The following AMPH variants were observed in gnomAD, a reference collection of about 807,000 sequenced individuals.
AMPH encodes amphiphysin (Stiff-Mann syndrome with breast cancer 128kD autoantigen).
AMPH carries 49 observed loss-of-function variants against 99.1 expected under a neutral mutation model. That is an observed-to-expected ratio of 0.49 (90% confidence interval 0.39 to 0.63). AMPH has a LOEUF of 0.63. Among genes scored for constraint, AMPH ranks in the 20% least tolerant of loss-of-function variants. The pLI is 0.00. For missense variants in AMPH, 759 were observed against 863.4 expected, an observed-to-expected ratio of 0.88 and a Z score of 1.52; for synonymous variants, 314 against 317.3, an observed-to-expected ratio of 0.99 and a Z score of 0.11.
At position 38,391,884 on chromosome 7, in the gene AMPH, G is replaced by A. The variant is rs139940640; in HGVS notation, c.1742C>T (p.Thr581Ile). ...DAAPPGPTSE[T>I]PELATEQKPI... ...CTTCTGCTCCGTAGCCAGCTCCGGT[G>A]TCTCGCTGGTGGGGCCCGGAGGAGC... The change falls in exon 19 of 21, where the codon ACA becomes ATA. Residue 581 changes from threonine (T) to isoleucine (I), a missense_variant. Physicochemically the swap from Thr to Ile is moderately conservative, Grantham distance 89. Around this residue, in one of 2 missense-constraint regions of AMPH, gnomAD observed 554 missense variants for 575.6 expected, o/e 0.96. Coordinates refer to ENST00000356264, the MANE Select transcript of AMPH (RefSeq NM_001635.4). 9 of 1,612,730 alleles carry A rather than the reference G, an allele frequency of 5.6e-6. No individual in the cohort carries two copies. Among genetic ancestry groups the A allele is most frequent in the Non-Finnish European group, 7.6e-6 (9 of 1,179,772 alleles).
intron 17 of AMPH, among the ~76,000 whole-genome samples, chr7:38,398,381 T>G (rs1252630094): frequency 1.3e-5 from 2 of 152,130 alleles, no homozygotes; most frequent in Non-Finnish European, 1.5e-5. Flanking sequence ...TGAGATCTTG[T>G]CATTTGCAAC....
At chr7:38,494,340 T>C (rs1322379751) in intron 4 of AMPH, 93 bp downstream of exon 4, 9 of 1,040,794 alleles carry the variant, frequency 8.6e-6, no homozygotes, top group Admixed American at 5.1e-5. Context: ...TCTTGCCTCA[T>C]GATTAAGACT....
Position 38,587,914 on chromosome 7 carries a change from C to CTGTGTGTG in AMPH, c.69+43361_69+43368dup, listed in dbSNP as rs200023803. Among the ~76,000 whole-genome samples the CTGTGTGTG allele has an allele frequency of 3.9e-3, 491 of 126,192 alleles. 1 individual carries two copies. Among genetic ancestry groups the CTGTGTGTG allele is most frequent in the African/African-American group, 5.7e-3 (207 of 36,396 alleles). The allele number at this position is 126,192 out of a possible 152,430, so 82.8% of individuals were successfully genotyped here. A position where few individuals can be genotyped will look rare whatever the true frequency, so the allele number is the denominator to read the frequency against. ...TGAACTTTAAACAGCTTATTAATTA[C>CTGTGTGTG]TGTGTGTGTGTGTGTGTGTGTGTGT... On this transcript the variant is annotated intron_variant, in intron 1 of 20. Coordinates refer to ENST00000356264, the MANE Select transcript of AMPH (RefSeq NM_001635.4).
chr7:38,453,021 G>A (rs376394965), intron 11 of AMPH, among the ~76,000 whole-genome samples: 6 of 152,080 alleles, frequency 3.9e-5, no homozygotes, highest in Admixed American at 1.3e-4. Context: ...TTTCACTCCC[G>A]CTTTTGACAT....
intron 11 of AMPH, among the ~76,000 whole-genome samples, chr7:38,437,625 CAAAAAAAA>C (rs70977404): frequency 3.2e-5 from 3 of 94,816 alleles, no homozygotes; most frequent in African/African-American, 1.3e-4. Flanking sequence ...ACTAAAAATA[CAAAAAAAA>C]AAAAAAAAAA....
intron 1 of AMPH, among the ~76,000 whole-genome samples, chr7:38,557,325 T>A (rs559642828): frequency 2.0e-5 from 3 of 152,288 alleles, no homozygotes; most frequent in South Asian, 4.1e-4. Context: ...CCAAATCTCA[T>A]CTTGAATTGT....
chr7:38,584,826 A>G (rs1220164591), intron 1 of AMPH, among the ~76,000 whole-genome samples: 2 of 152,174 alleles, frequency 1.3e-5, no homozygotes, highest in Non-Finnish European at 2.9e-5. Flanking sequence ...TGCAACTTCT[A>G]CCTAAATAAA....
intron 20 of AMPH, among the ~76,000 whole-genome samples, chr7:38,385,564 A>G (rs1784328712): frequency 6.6e-6 from 1 of 152,136 alleles, no homozygotes; most frequent in Admixed American, 6.5e-5. Context: ...ATAATACCTA[A>G]TTTTTCAAGT....
At chr7:38,493,334 C>T (rs1291889350) in intron 4 of AMPH, among the ~76,000 whole-genome samples, 1 of 152,148 alleles carries the variant, frequency 6.6e-6, no homozygotes, top group African/African-American at 2.4e-5. Flanking sequence ...TAACAAAGAA[C>T]TTGGATGTGA....
intron 1 of AMPH, among the ~76,000 whole-genome samples, chr7:38,610,262 AAG>A (rs1793592257): frequency 2.4e-4 from 6 of 24,962 alleles, no homozygotes; most frequent in Admixed American, 4.9e-4. Context: ...AAAAAAAAAA[AAG>A]AAAGAAAGAA....
chr7:38,437,639 A>AAAAAAAAAAAAAAGAAAAG (rs765494380), intron 11 of AMPH, among the ~76,000 whole-genome samples: 74 of 96,714 alleles, frequency 7.7e-4, no homozygotes, highest in East Asian at 1.7e-3. Flanking sequence ...AAAAAAAAAA[A>AAAAAAAAAAAAAAGAAAAG]AAAAGAAAAG....
At chr7:38,617,347 A>C (rs1165396317) in intron 1 of AMPH, among the ~76,000 whole-genome samples, 5 of 152,230 alleles carry the variant, frequency 3.3e-5, no homozygotes, top group Non-Finnish European at 4.4e-5. Flanking sequence ...CATGAAATGG[A>C]CAACTAGAAA....
At chr7:38,521,825 A>G (rs760102204) in intron 2 of AMPH, among the ~76,000 whole-genome samples, 5 of 152,166 alleles carry the variant, frequency 3.3e-5, no homozygotes, top group Non-Finnish European at 7.3e-5. Flanking sequence ...CTTACATGAT[A>G]GTAATTTAGC....
chr7:38,463,316 T>A (rs1303669324), intron 9 of AMPH: 1 of 712,904 alleles, frequency 1.4e-6, no homozygotes, highest in Admixed American at 2.0e-5. Flanking sequence ...ACCTCATTCA[T>A]GTATTATCTT....
Position 38,413,020 on chromosome 7 carries a change from G to A in AMPH, c.1398+4805C>T, listed in dbSNP as rs533573044. On this transcript the variant is annotated intron_variant, in intron 17 of 20. Coordinates refer to ENST00000356264, the MANE Select transcript of AMPH (RefSeq NM_001635.4). ...ACATGAGGCAACACTGGAAGAGGGGGCTGTTATCTTTGCCTCTGCTGCTTT... is the reference window on the plus strand; with the variant it reads ...ACATGAGGCAACACTGGAAGAGGGGACTGTTATCTTTGCCTCTGCTGCTTT... Among the ~76,000 whole-genome samples, 3 of 152,286 alleles carry A rather than the reference G, an allele frequency of 2.0e-5. No homozygotes were observed. The South Asian group carries it at 6.2e-4, about 32-fold the overall frequency.
chr7:38,548,354 T>A (rs1251834233), intron 1 of AMPH, among the ~76,000 whole-genome samples: 1 of 151,980 alleles, frequency 6.6e-6, no homozygotes, highest in African/African-American at 2.4e-5. Context: ...TTGAGGGAGG[T>A]ATGCAGCCTT....
chr7:38,401,649 A>G (rs1015894930), intron 17 of AMPH, among the ~76,000 whole-genome samples: 3 of 152,180 alleles, frequency 2.0e-5, no homozygotes, highest in African/African-American at 7.2e-5. Context: ...ACTGATATGG[A>G]TAAGTCAGAG....
chr7:38,463,285 C>A (rs1223951464), intron 9 of AMPH, 172 bp from the exon 10 acceptor site: 14 of 848,692 alleles, frequency 1.6e-5, no homozygotes, highest in East Asian at 1.3e-4. Flanking sequence ...ATAACTGGTA[C>A]CATTTATTTG....
intron 11 of AMPH, among the ~76,000 whole-genome samples, chr7:38,441,851 CAT>C (rs139427499): frequency 0.31 from 27,967 of 90,428 alleles, 5,426 homozygotes; most frequent in African/African-American, 0.5. Flanking sequence ...TCATATATAT[CAT>C]ATATATCATA....
Sources: gnomAD v4.1 joint callset for allele counts (sites outside exome capture counted in the v4.1 genomes callset) on GRCh38, gnomAD v4.1.1 for gene constraint, gnomAD v4.1.1 regional missense constraint, MANE v1.5 for transcripts, NCBI Gene and HGNC (gene_info 2026-07-23, HGNC 2026-07-21) for gene names.